The following KNDC1 variants were observed in gnomAD, a reference collection of about 807,000 sequenced individuals.
KNDC1 encodes the protein kinase non-catalytic C-lobe domain containing 1, also known as kinase non-catalytic C-lobe domain-containing protein 1.
A neutral mutation model predicts 172.8 loss-of-function variants in KNDC1; 106 were observed. The ratio of observed to expected loss-of-function variants is 0.61; its 90% CI spans 0.52 to 0.72. KNDC1 has a LOEUF of 0.72. KNDC1 is among the 30% of genes least tolerant of loss of function. The probability of loss-of-function intolerance (pLI) is 0.00; values close to 1 mark genes in which losing one functional copy is unlikely to be tolerated. For synonymous variants in KNDC1, 1,083 were observed against 1,062.2 expected (o/e 1.02, Z -0.38); for missense variants, 2,325 against 2,394.5 (o/e 0.97, Z 0.61).
intron 1 of KNDC1, chr10:133,167,058 G>A (rs886979316): frequency 2.4e-6 from 1 of 415,632 alleles, no homozygotes; most frequent in African/African-American, 2.0e-5. Context: ...TGAGCCTGCG[G>A]GGTCGGGGTG....
Position 133,164,848 on chromosome 10 carries a change from C to T in KNDC1, c.103-2533C>T, listed in dbSNP as rs376633053. Reference sequence around the variant, plus strand: ...GGGGAGCCCAAGGACGTGGGATCCCCAGGCTGCTGAGTGCTGCCTGTGTCT... The same window carrying T: ...GGGGAGCCCAAGGACGTGGGATCCCTAGGCTGCTGAGTGCTGCCTGTGTCT... On this transcript the variant is annotated intron_variant, in intron 1 of 29. Coordinates refer to ENST00000304613, the MANE Select transcript of KNDC1 (RefSeq NM_152643.8). Among the ~76,000 whole-genome samples the T allele has an allele frequency of 2.0e-5, 3 of 152,196 alleles. No homozygotes were observed. The South Asian group carries it at 6.2e-4, about 31-fold the overall frequency.
chr10:133,196,433 G>A (rs938558081), intron 10 of KNDC1, among the ~76,000 whole-genome samples: 19 of 152,196 alleles, frequency 1.2e-4, no homozygotes, highest in African/African-American at 4.6e-4. Context: ...GCCGAGCTGG[G>A]TGTGGGTGAT....
chr10:133,198,364 G>T lies in KNDC1; in HGVS notation c.1934G>T (p.Gly645Val), dbSNP rs147794684. The T allele has an allele frequency of 4.1e-5, 65 of 1,594,350 alleles. No individual in the cohort carries two copies. In the African/African-American group the frequency reaches 5.5e-4, roughly 13 times the overall value. Reference protein sequence around the residue: ...PGFLPVNSDTGLVAVPGPVPG... With the variant: ...PGFLPVNSDTVLVAVPGPVPG... Reference sequence around the variant, plus strand: ...TTCCTGCCGGTGAACAGCGACACCGGGCTTGTGGCTGTGCCAGGGCCCGTG... The same window carrying T: ...TTCCTGCCGGTGAACAGCGACACCGTGCTTGTGGCTGTGCCAGGGCCCGTG... The change falls in exon 13 of 30, where the codon GGG becomes GTG. Residue 645 changes from glycine to valine, a missense_variant. Physicochemically the swap from Gly to Val is moderately radical, Grantham distance 109 (BLOSUM62 -3). Coordinates refer to ENST00000304613, the MANE Select transcript of KNDC1 (RefSeq NM_152643.8).
rs1294060217 is a variant in KNDC1, at chr10:133,209,749, T to G, written c.3795-862T>G. Among the ~76,000 whole-genome samples the G allele has an allele frequency of 6.6e-6, 1 of 151,978 alleles. No homozygotes were observed. Among genetic ancestry groups the G allele is most frequent in the African/African-American group, 2.4e-5 (1 of 41,344 alleles). On this transcript the variant is annotated intron_variant, in intron 20 of 29. Transcript: ENST00000304613. The surrounding 1 kb of genome is among the most constrained non-coding windows in gnomAD (Gnocchi z 4.9). ...GCAGGGCAGCCTGGGGCTGGGGCTG[T>G]GGCCACCTGTGTCCTCGGACCCCAG...
At chr10:133,218,991 C>G (rs556320500) in intron 27 of KNDC1, 38 bp downstream of exon 27, 2 of 1,613,756 alleles carry the variant, frequency 1.2e-6, no homozygotes, top group Middle Eastern at 1.6e-4. Context: ...GGGTGGGTAC[C>G]CGCACGGCCG....
intron 9 of KNDC1, among the ~76,000 whole-genome samples, chr10:133,192,722 A>G (rs1027572025): frequency 3.3e-5 from 5 of 152,206 alleles, no homozygotes; most frequent in African/African-American, 1.2e-4. Context: ...GGTGAAATGG[A>G]GACAATAGAA....
intron 16 of KNDC1, among the ~76,000 whole-genome samples, chr10:133,200,710 C>T (rs948982583): frequency 6.6e-6 from 1 of 152,194 alleles, no homozygotes; most frequent in African/African-American, 2.4e-5. Flanking sequence ...AGGCCGTCCT[C>T]TTCTGGGGGC....
At chr10:133,184,209 C>CACA (rs1853816146) in intron 5 of KNDC1, among the ~76,000 whole-genome samples, 1 of 142,438 alleles carries the variant, frequency 7.0e-6, no homozygotes, top group South Asian at 2.5e-4. Context: ...CACACCCATG[C>CACA]TGCACACACC....
At chr10:133,215,393 G>T (rs528931067) in intron 26 of KNDC1, among the ~76,000 whole-genome samples, 4 of 152,172 alleles carry the variant, frequency 2.6e-5, no homozygotes, top group Non-Finnish European at 2.9e-5. Context: ...AGGCAACCCC[G>T]GGCCGTAAAC....
rs769879181 is a variant in KNDC1, at chr10:133,198,857, C to T, written c.2349C>T (p.Pro783=). 1.6e-5 allele frequency: 26 copies of T among 1,598,816 alleles called. No homozygotes were observed. The South Asian group carries it at 1.7e-4, about 10-fold the overall frequency. Residue 783 remains proline (P), a synonymous_variant, in exon 14 of 30, where the codon CCC becomes CCT. Transcript: ENST00000304613. ...CGGCAGCTCCCGGCTCTCCAGTCCC[C>T]GCCCCGCCCACGAAGGCATCTGCGC... is the stretch of plus-strand genomic sequence containing the variant. ...ASSAAPGSPV[P]APPTKASALP...
intron 3 of KNDC1, among the ~76,000 whole-genome samples, chr10:133,178,275 A>G (rs10857682): frequency 0.41 from 62,988 of 152,038 alleles, 14,997 homozygotes; most frequent in South Asian, 0.67. Flanking sequence ...AGCATGGTGC[A>G]TGTCTGCAGC....
In KNDC1 at chr10:133,193,557, G is replaced by A. The variant is rs111655348; in HGVS notation, c.1576-2106G>A. ...AAATAAAGGAGGAAGAAGGAAGAAA[G>A]AAGGAAGGAAGAAGAACAAGAAGAA... On this transcript the variant is annotated intron_variant, in intron 9 of 29. Transcript: ENST00000304613. Among the ~76,000 whole-genome samples the A allele has an allele frequency of 6.6e-5, 10 of 151,976 alleles. 1 individual carries two copies. The highest frequency in any genetic ancestry group is 1.7e-4 in the African/African-American group (7 of 41,462).
intron 23 of KNDC1, 35 bp downstream of exon 23, chr10:133,211,893 C>T (rs2136022116): frequency 1.3e-6 from 2 of 1,576,358 alleles, no homozygotes; most frequent in Non-Finnish European, 1.7e-6. Context: ...CCTCCCTGGA[C>T]AGGCGGATGT....
At chr10:133,219,916 CCTGT>C in intron 28 of KNDC1, 35 bp from the exon 29 acceptor site, 5 of 1,537,194 alleles carry the variant, frequency 3.3e-6, no homozygotes, top group Non-Finnish European at 4.4e-6. Context: ...CTGACCACGC[CCTGT>C]CTCTCCCCGG....
Position 133,163,481 on chromosome 10 carries a change from AC to A in KNDC1, c.102+2914del, listed in dbSNP as rs1174939867. Among the ~76,000 whole-genome samples the A allele has an allele frequency of 2.0e-5, 3 of 152,082 alleles. No homozygotes were observed. Among genetic ancestry groups the A allele is most frequent in the Non-Finnish European group, 2.9e-5 (2 of 68,010 alleles). Reference sequence around the variant, plus strand: ...CCAGGATGAGCTCAGAGCAGAAGGCACCTCGGGAGCAGAGGTGGTTTTGTGG... The same window carrying A: ...CCAGGATGAGCTCAGAGCAGAAGGCACTCGGGAGCAGAGGTGGTTTTGTGG... On this transcript the variant is annotated intron_variant, in intron 1 of 29. Coordinates refer to ENST00000304613, the MANE Select transcript of KNDC1 (RefSeq NM_152643.8). This position sits in a 1 kb window ranked among gnomAD's most constrained non-coding sequence, Gnocchi z 4.4.
rs187517998 is a variant in KNDC1, at chr10:133,169,012, C to T, written c.360+700C>T. On this transcript the variant is annotated intron_variant, in intron 3 of 29. Transcript: ENST00000304613. ...AGTCCATCAGGCTGGGCTCTGTCCC[C>T]GGGCAGGGAGTGGCCCATTGGTGGT... 6.0e-4 allele frequency among the ~76,000 whole-genome samples: 92 copies of T among 152,350 alleles called. No individual in the cohort carries two copies. In the East Asian group the frequency reaches 6.9e-3, roughly 11 times the overall value.
intron 3 of KNDC1, among the ~76,000 whole-genome samples, chr10:133,179,620 C>T (rs887573569): frequency 6.6e-6 from 1 of 152,186 alleles, no homozygotes; most frequent in Non-Finnish European, 1.5e-5. Flanking sequence ...GGCTTGACCG[C>T]GTTTGCTCAG....
chr10:133,202,039 T>C (rs1443937093), intron 17 of KNDC1, 141 bp downstream of exon 17: 5 of 1,003,770 alleles, frequency 5.0e-6, no homozygotes, highest in Non-Finnish European at 7.6e-6. Flanking sequence ...CCCCACCCCG[T>C]GGCTGTCAAG....
intron 3 of KNDC1, among the ~76,000 whole-genome samples, chr10:133,178,346 T>C (rs557845839): frequency 6.6e-6 from 1 of 152,314 alleles, no homozygotes; most frequent in East Asian, 1.9e-4. Flanking sequence ...TGCTTTTTAT[T>C]TTTTAATGTT....
Sources: gnomAD v4.1 joint callset for allele counts (sites outside exome capture counted in the v4.1 genomes callset) on GRCh38, gnomAD v4.1.1 for gene constraint, Gnocchi (gnomAD v3.1) non-coding constraint, MANE v1.5 for transcripts, NCBI Gene and HGNC (gene_info 2026-07-23, HGNC 2026-07-21) for gene names.